The following CAB39L variants were observed in gnomAD, a reference collection of about 807,000 sequenced individuals.
CAB39L encodes calcium-binding protein 39-like.
In CAB39L, 23 loss-of-function variants were observed where a neutral mutation model predicts 39.1. That is an observed-to-expected ratio of 0.59 (90% CI 0.42 to 0.83). CAB39L has a LOEUF of 0.83. Ranked by LOEUF, CAB39L falls within the 40% of genes least tolerant of loss-of-function variation. The probability of loss-of-function intolerance (pLI) is 0.00; values close to 1 mark genes in which losing one functional copy is unlikely to be tolerated. For synonymous variants in CAB39L, 126 were observed against 137.2 expected (o/e 0.92, Z 0.57); for missense variants, 366 against 391.9 (o/e 0.93, Z 0.56).
At chr13:49,411,964 G>T (rs1351071215) in intron 3 of CAB39L, among the ~76,000 whole-genome samples, 5 of 152,120 alleles carry the variant, frequency 3.3e-5, no homozygotes, top group African/African-American at 4.8e-5. Flanking sequence ...GCAAGCAGTT[G>T]GTTCTCTTGC....
intron 5 of CAB39L, among the ~76,000 whole-genome samples, chr13:49,361,593 G>A (rs1053346124): frequency 9.5e-5 from 14 of 147,984 alleles, no homozygotes; most frequent in African/African-American, 3.5e-4. Flanking sequence ...AAGAGAGAAA[G>A]TCCAATACCC....
At chr13:49,362,033 A>G (rs532501831) in intron 5 of CAB39L, among the ~76,000 whole-genome samples, 1 of 152,002 alleles carries the variant, frequency 6.6e-6, no homozygotes, top group East Asian at 1.9e-4. Context: ...GCATGCATAC[A>G]ACCACCTTAT....
chr13:49,386,172 G>T (rs927105516), intron 3 of CAB39L, among the ~76,000 whole-genome samples: 3 of 152,106 alleles, frequency 2.0e-5, no homozygotes, highest in Non-Finnish European at 4.4e-5. Flanking sequence ...TTATAACATG[G>T]TATCATAGAT....
chr13:49,396,707 C>CA (rs749809742), intron 3 of CAB39L, among the ~76,000 whole-genome samples: 2 of 150,150 alleles, frequency 1.3e-5, no homozygotes, highest in Admixed American at 6.6e-5. Flanking sequence ...GATTCCATCT[C>CA]AAAAAAACAA....
At chr13:49,431,278 C>G (rs1166209679) in intron 3 of CAB39L, among the ~76,000 whole-genome samples, 4 of 152,130 alleles carry the variant, frequency 2.6e-5, no homozygotes. Flanking sequence ...TTTCACATAG[C>G]GTAATTGTTC....
chr13:49,336,071 T>C (rs1281100886), intron 9 of CAB39L, among the ~76,000 whole-genome samples: 1 of 151,444 alleles, frequency 6.6e-6, no homozygotes, highest in Non-Finnish European at 1.5e-5. Flanking sequence ...ACAGATCTAA[T>C]TACCAAAAGG....
At chr13:49,336,733 C>T (rs767123189) in intron 9 of CAB39L, among the ~76,000 whole-genome samples, 1 of 152,222 alleles carries the variant, frequency 6.6e-6, no homozygotes, top group Non-Finnish European at 1.5e-5. Context: ...GGCCACTACT[C>T]GTTGTACCAT....
At chr13:49,366,715 G>A (rs1483693596) in intron 5 of CAB39L, among the ~76,000 whole-genome samples, 1 of 149,330 alleles carries the variant, frequency 6.7e-6, no homozygotes, top group Non-Finnish European at 1.5e-5. Context: ...AAACTTAATA[G>A]TATGAAAAAC....
Position 49,326,911 on chromosome 13 carries a change from G to A in CAB39L, c.834+5036C>T, listed in dbSNP as rs955343188. The stretch of plus-strand genomic sequence containing the variant: ...AGTTTATTCTCATTTAAAGTTCTGT[G>A]GGAGCTGAATGATATGATACACAGC... On this transcript the variant is annotated intron_variant, in intron 10 of 10. Transcript: ENST00000409308. Among the ~76,000 whole-genome samples, 56 of 152,122 alleles carry A rather than the reference G, an allele frequency of 3.7e-4. 1 individual carries two copies. The highest frequency in any genetic ancestry group is 1.3e-3 in the African/African-American group (54 of 41,416).
chr13:49,325,719 G>A (rs562137683), intron 10 of CAB39L, among the ~76,000 whole-genome samples: 5 of 152,272 alleles, frequency 3.3e-5, no homozygotes, highest in Admixed American at 1.3e-4. Flanking sequence ...AACCTGGGAG[G>A]TGGAGGGTGC....
chr13:49,433,877 G>T (rs914541727), intron 2 of CAB39L, among the ~76,000 whole-genome samples: 1 of 152,148 alleles, frequency 6.6e-6, no homozygotes, highest in Non-Finnish European at 1.5e-5. Context: ...GCACTGAAGG[G>T]TCATAAAGGG....
Position 49,442,563 on chromosome 13 carries a change from G to A in CAB39L, c.-246+1423C>T, listed in dbSNP as rs117188984. ...TCCCAGCACTTTGGGAGGTGGAGGC[G>A]GGCAGATCATCTAAAGTCAGGAGTT... On this transcript the variant is annotated intron_variant, in intron 1 of 10. Coordinates refer to ENST00000409308, the MANE Select transcript of CAB39L (RefSeq NM_001079670.3). Among the ~76,000 whole-genome samples the A allele has an allele frequency of 9.3e-3, 1,409 of 152,082 alleles. 18 individuals are homozygous for A. The highest frequency in any genetic ancestry group is 0.012 in the Non-Finnish European group (808 of 67,982).
At chr13:49,344,411 T>C (rs1955087523) in intron 7 of CAB39L, among the ~76,000 whole-genome samples, 173 bp from the exon 8 acceptor site, 1 of 152,180 alleles carries the variant, frequency 6.6e-6, no homozygotes, top group Admixed American at 6.5e-5. Flanking sequence ...GTTTGTTTCA[T>C]GTTAGAAAAG....
At chr13:49,441,281 A>C (rs1332032084) in intron 1 of CAB39L, among the ~76,000 whole-genome samples, 1 of 142,848 alleles carries the variant, frequency 7.0e-6, no homozygotes, top group African/African-American at 2.8e-5. Context: ...TATATACTAA[A>C]AGGAGGTTCC....
At chr13:49,436,801 G>C (rs1957425778) in intron 1 of CAB39L, among the ~76,000 whole-genome samples, 1 of 151,954 alleles carries the variant, frequency 6.6e-6, no homozygotes, top group African/African-American at 2.4e-5. Context: ...ATTTGGATTT[G>C]AGACTTTTTA....
At chr13:49,336,706 T>C (rs1954857611) in intron 9 of CAB39L, among the ~76,000 whole-genome samples, 1 of 152,204 alleles carries the variant, frequency 6.6e-6, no homozygotes, top group African/African-American at 2.4e-5. Context: ...CTACTCCAAT[T>C]GCCATCTTCC....
intron 10 of CAB39L, among the ~76,000 whole-genome samples, chr13:49,315,346 G>A (rs914402519): frequency 2.6e-5 from 4 of 151,918 alleles, no homozygotes; most frequent in African/African-American, 9.7e-5. Context: ...GAAGGAAAAG[G>A]GTTTCCTAAG....
chr13:49,308,889 T>C lies in CAB39L; in HGVS notation c.*1925A>G, dbSNP rs1953908860. On this transcript the variant is annotated 3_prime_UTR_variant, in exon 11 of 11. Transcript: ENST00000409308. ...TTTGAAAGGTACTGAGCTGGGATAA[T>C]GGGTTGCTAGGAAAGAGCTAATGCA... 1 of 152,256 alleles carries C rather than the reference T, an allele frequency of 6.6e-6. No homozygotes were observed. The highest frequency in any genetic ancestry group is 1.5e-5 in the Non-Finnish European group (1 of 68,012). 9.4% of individuals were successfully genotyped at this position (152,256 alleles called of 1,614,324 possible).
In CAB39L at chr13:49,350,930, G is replaced by A; in HGVS notation, c.396-18C>T. The A allele has an allele frequency of 6.5e-7, 1 of 1,542,682 alleles. No homozygotes were observed. Among genetic ancestry groups the A allele is most frequent in the African/African-American group, 1.4e-5 (1 of 71,962 alleles). ...CTTCATATCTAAAGCGTAAACAAGAGAGAAATAGAGAACTCTGTTATCCTA... is the reference window on the plus strand; with the variant it reads ...CTTCATATCTAAAGCGTAAACAAGAAAGAAATAGAGAACTCTGTTATCCTA... On this transcript the variant is annotated intron_variant, in intron 6 of 10. Transcript: ENST00000409308.
Sources: allele counts gnomAD v4.1 joint callset (sites outside exome capture counted in the v4.1 genomes callset), GRCh38; gene constraint gnomAD v4.1.1; transcripts MANE v1.5; gene names NCBI Gene and HGNC (gene_info 2026-07-23, HGNC 2026-07-21).